ADRA1A: variants seen among roughly 807,000 people sequenced by gnomAD.
ADRA1A encodes the protein alpha-1A adrenergic receptor.
A neutral mutation model predicts 29.6 loss-of-function variants in ADRA1A; 31 were observed. The observed-to-expected ratio is 1.05, with a 90% CI of 0.79 to 1.41. The LOEUF is 1.41. Ranked by LOEUF, ADRA1A falls within the 40% of genes most tolerant of loss-of-function variation. ADRA1A has a pLI of 0.00. For missense variants in ADRA1A, 619 were observed against 601.1 expected (o/e 1.03, Z -0.31); for synonymous variants, 311 against 254.3 (o/e 1.22, Z -2.12).
intron 2 of ADRA1A, among the ~76,000 whole-genome samples, chr8:26,788,496 C>T (rs1385748500): frequency 6.6e-6 from 1 of 152,054 alleles, no homozygotes; most frequent in Non-Finnish European, 1.5e-5. Context: ...TTCTTCCTAG[C>T]ACCATGAGGG....
rs1371091444 is a variant in ADRA1A, at chr8:26,864,423, C to T, written c.547G>A (p.Gly183Ser). ...ETICQINEEP[G>S]YVLFSALGSF... is the part of the protein sequence containing the mutation. ...CCCAGCGCTGAGAAGAGCACGTAGC[C>T]CGGCTCCTCGTTGATCTGGCAGATG... The change falls in exon 2 of 3, where the codon GGC becomes AGC. Residue 183 changes from glycine (G) to serine (S), a missense_variant. By Grantham distance (56) the Gly-to-Ser change is moderately conservative. Coordinates refer to ENST00000380573, the MANE Select transcript of ADRA1A (RefSeq NM_000680.4). The surrounding 1 kb of genome is among the most constrained non-coding windows in gnomAD (Gnocchi z 8.1). 1.6e-5 allele frequency: 26 copies of T among 1,613,382 alleles called. No homozygotes were observed. The highest frequency in any genetic ancestry group is 1.8e-5 in the Non-Finnish European group (21 of 1,180,034).
At chr8:26,761,929 C>T (rs767855315), downstream of ADRA1A, among the ~76,000 whole-genome samples, 34 of 152,314 alleles carry the variant, frequency 2.2e-4, no homozygotes, top group Non-Finnish European at 3.8e-4. Flanking sequence ...AAAGAACACC[C>T]TTTGCCTGGT....
intron 2 of ADRA1A, among the ~76,000 whole-genome samples, chr8:26,818,458 C>T (rs1397141151): frequency 1.3e-5 from 2 of 152,088 alleles, no homozygotes; most frequent in African/African-American, 4.8e-5. Flanking sequence ...CTTGCTGCTT[C>T]CTACACGTGA....
chr8:26,857,598 G>A (rs576314822), intron 2 of ADRA1A, among the ~76,000 whole-genome samples: 1 of 152,256 alleles, frequency 6.6e-6, no homozygotes, highest in East Asian at 1.9e-4. Context: ...TTGAGTTCGA[G>A]GCCGCAGTGA....
chr8:26,784,834 G>A (rs575757207), intron 2 of ADRA1A, among the ~76,000 whole-genome samples: 1 of 152,332 alleles, frequency 6.6e-6, no homozygotes, highest in African/African-American at 2.4e-5. Context: ...TGGGGTCAGA[G>A]CTCTAACCGA....
Position 26,848,960 on chromosome 8 carries a change from C to G in ADRA1A, c.883+15127G>C, listed in dbSNP as rs1672005686. On this transcript the variant is annotated intron_variant, in intron 2 of 2. Transcript: ENST00000380573. This position sits in a 1 kb window ranked among gnomAD's most constrained non-coding sequence, Gnocchi z 4.3. ...GGGTGACCCACTTCTGCTTCACACTCTGATATCCCCATGAAAAGGAGCCTG... is the reference window on the plus strand; with the variant it reads ...GGGTGACCCACTTCTGCTTCACACTGTGATATCCCCATGAAAAGGAGCCTG... Among the ~76,000 whole-genome samples the G allele has an allele frequency of 6.6e-6, 1 of 152,182 alleles. No homozygotes were observed. Among genetic ancestry groups the G allele is most frequent in the African/African-American group, 2.4e-5 (1 of 41,446 alleles).
intron 2 of ADRA1A, among the ~76,000 whole-genome samples, chr8:26,862,025 C>G (rs1269076094): frequency 6.6e-6 from 1 of 152,118 alleles, no homozygotes; most frequent in South Asian, 2.1e-4. Flanking sequence ...TGCTAAACAC[C>G]CTTGAATGAC....
At chr8:26,750,125 C>G (rs1476321449) in intron 2 of ADRA1A, among the ~76,000 whole-genome samples, 2 of 152,182 alleles carry the variant, frequency 1.3e-5, no homozygotes, top group Non-Finnish European at 2.9e-5. Flanking sequence ...GGCCTGTTTT[C>G]TGGTTCATAG....
chr8:26,803,919 C>CTTTTTTTTT (rs34314160), intron 2 of ADRA1A, among the ~76,000 whole-genome samples: 2 of 95,246 alleles, frequency 2.1e-5, no homozygotes, highest in African/African-American at 4.4e-5. Flanking sequence ...TGGAAGTTTC[C>CTTTTTTTTT]TTTTTTTTTT....
chr8:26,866,461 T>C lies in ADRA1A; in HGVS notation c.-687+475A>G, dbSNP rs1813913101. Among the ~76,000 whole-genome samples, 1 of 152,136 alleles carries C rather than the reference T, an allele frequency of 6.6e-6. No homozygotes were observed. The highest frequency in any genetic ancestry group is 2.1e-4 in the South Asian group (1 of 4,816). On this transcript the variant is annotated intron_variant, in intron 1 of 2. Coordinates refer to ENST00000380573, the MANE Select transcript of ADRA1A (RefSeq NM_000680.4). The surrounding 1 kb of genome is among the most constrained non-coding windows in gnomAD (Gnocchi z 5.7). ...TGCAGGCGTAAACATTAAGCCGGCA[T>C]GCCAGCGGGCAGGGGCCGCCTTCGA...
rs1287934594 is a variant in ADRA1A, at chr8:26,769,958, G to A, written c.*191C>T. 5 of 1,382,976 alleles carry A rather than the reference G, an allele frequency of 3.6e-6. No homozygotes were observed. The highest frequency in any genetic ancestry group is 4.7e-6 in the Non-Finnish European group (5 of 1,072,688). The allele number at this position is 1,382,976 out of a possible 1,614,324, so 85.7% of individuals were successfully genotyped here. Reference sequence around the variant, plus strand: ...GTTCCGTATCATTCTGAACTGGTTGGTTGTGAGACACCCTCCCTCTTCCCT... The same window carrying A: ...GTTCCGTATCATTCTGAACTGGTTGATTGTGAGACACCCTCCCTCTTCCCT... On this transcript the variant is annotated 3_prime_UTR_variant, in exon 3 of 3. Coordinates refer to ENST00000380573, the MANE Select transcript of ADRA1A (RefSeq NM_000680.4).
Sources: gnomAD v4.1 joint callset for allele counts (sites outside exome capture counted in the v4.1 genomes callset) on GRCh38, gnomAD v4.1.1 for gene constraint, Gnocchi (gnomAD v3.1) non-coding constraint, MANE v1.5 for transcripts, NCBI Gene and HGNC (gene_info 2026-07-23, HGNC 2026-07-21) for gene names.